Variants in WDFY4 observed in about 807,000 individuals in gnomAD.
WDFY4 encodes WDFY family member 4.
WDFY4 carries 169 observed loss-of-function variants against 351.9 expected under a neutral mutation model. The ratio of observed to expected loss-of-function variants is 0.48; its 90% CI spans 0.42 to 0.55. WDFY4 has a LOEUF of 0.55. Among genes scored for constraint, WDFY4 ranks in the 20% least tolerant of loss-of-function variants. The pLI is 0.00. For missense variants in WDFY4, 3,803 were observed against 3,935.6 expected, an observed-to-expected ratio of 0.97 and a Z score of 0.90; for synonymous variants, 1,622 against 1,574.6, an observed-to-expected ratio of 1.03 and a Z score of -0.71.
chr10:48,907,589 C>A (rs191794252), intron 47 of WDFY4, among the ~76,000 whole-genome samples: 1 of 152,092 alleles, frequency 6.6e-6, no homozygotes, highest in African/African-American at 2.4e-5. Context: ...ACCATAAGAA[C>A]CTATGCGATT....
At chr10:48,761,919 G>A (rs1195309287) in intron 13 of WDFY4, among the ~76,000 whole-genome samples, 2 of 152,238 alleles carry the variant, frequency 1.3e-5, no homozygotes, top group East Asian at 1.9e-4. Flanking sequence ...ATGGAGAAAT[G>A]TGAGTTCAGA....
chr10:48,872,901 G>A (rs1351905835), intron 40 of WDFY4, among the ~76,000 whole-genome samples: 1 of 152,182 alleles, frequency 6.6e-6, no homozygotes, highest in East Asian at 1.9e-4. Flanking sequence ...ATGACATTAG[G>A]ATTGAAAGGC....
At position 48,823,598 on chromosome 10, in the gene WDFY4, G is replaced by C; in HGVS notation, c.5982+1061G>C. Reference sequence around the variant, plus strand: ...GGCTTCTTCAGGAACAACTCCAAGAGAGGAGAAATAGCCCTTGTCAGCTCT... The same window carrying C: ...GGCTTCTTCAGGAACAACTCCAAGACAGGAGAAATAGCCCTTGTCAGCTCT... On this transcript the variant is annotated intron_variant, in intron 35 of 61. Transcript: ENST00000325239. The C allele has an allele frequency of 2.9e-6, 3 of 1,048,850 alleles. No homozygotes were observed. The East Asian group carries it at 2.2e-4, about 77-fold the overall frequency. The allele number at this position is 1,048,850 out of a possible 1,614,324, so 65.0% of individuals were successfully genotyped here. A position where few individuals can be genotyped will look rare whatever the true frequency, so the allele number is the denominator to read the frequency against.
intron 1 of WDFY4, among the ~76,000 whole-genome samples, chr10:48,697,037 G>T (rs1451460270): frequency 1.3e-5 from 2 of 152,200 alleles, no homozygotes; most frequent in Non-Finnish European, 2.9e-5. Context: ...GAGGGGTCAG[G>T]CTGGCCAGAG....
chr10:48,934,746 T>C (rs1589941834), intron 47 of WDFY4, among the ~76,000 whole-genome samples: 1 of 152,338 alleles, frequency 6.6e-6, no homozygotes, highest in African/African-American at 2.4e-5. Context: ...CAGTCACAGC[T>C]TAGTTTCCTT....
At position 48,921,396 on chromosome 10, in the gene WDFY4, G is replaced by T. The variant is rs372866085; in HGVS notation, c.7586+19533G>T. 4.6e-5 allele frequency among the ~76,000 whole-genome samples: 7 copies of T among 152,268 alleles called. No homozygotes were observed. In the East Asian group the frequency reaches 5.8e-4, roughly 13 times the overall value. On this transcript the variant is annotated intron_variant, in intron 47 of 61. Coordinates refer to ENST00000325239, the MANE Select transcript of WDFY4 (RefSeq NM_001394531.1). Reference sequence around the variant, plus strand: ...GAAAATGAACTCTTTAACAAACGATGTTGAAATTGGTTATTTATATGCAAA... The same window carrying T: ...GAAAATGAACTCTTTAACAAACGATTTTGAAATTGGTTATTTATATGCAAA...
Position 48,889,124 on chromosome 10 carries a change from G to A in WDFY4, c.7168-1455G>A, listed in dbSNP as rs73294648. 1.1e-3 allele frequency among the ~76,000 whole-genome samples: 173 copies of A among 152,310 alleles called. 1 individual carries two copies. Among genetic ancestry groups the A allele is most frequent in the African/African-American group, 3.5e-3 (144 of 41,564 alleles). ...GACTCTGGCCTGGAAGGTGGCTGGA[G>A]GGCCAGCTCCTCTGACAAGGTAGAT... On this transcript the variant is annotated intron_variant, in intron 43 of 61. Coordinates refer to ENST00000325239, the MANE Select transcript of WDFY4 (RefSeq NM_001394531.1).
intron 14 of WDFY4, among the ~76,000 whole-genome samples, chr10:48,775,495 A>G (rs2066001317): frequency 6.6e-6 from 1 of 152,204 alleles, no homozygotes; most frequent in Admixed American, 6.5e-5. Flanking sequence ...TTTTGTTATG[A>G]CATCCATCTT....
In WDFY4 at chr10:48,964,911, AAACT is replaced by A. The variant is rs1419701712; in HGVS notation, c.8436+861_8436+864del. 2.0e-5 allele frequency among the ~76,000 whole-genome samples: 3 copies of A among 152,306 alleles called. No individual in the cohort carries two copies. The South Asian group carries it at 6.2e-4, about 32-fold the overall frequency. On this transcript the variant is annotated intron_variant, in intron 54 of 61. Transcript: ENST00000325239. Reference sequence around the variant, plus strand: ...AGGGGCTCCTTCTGCAGTTAGTGCTAAACTAACATCTTTCTCTCTGGTCTCACAT... The same window carrying A: ...AGGGGCTCCTTCTGCAGTTAGTGCTAAACATCTTTCTCTCTGGTCTCACAT...
chr10:48,976,678 G>A (rs1323682348), intron 58 of WDFY4, 119 bp from the exon 59 acceptor site: 2 of 936,340 alleles, frequency 2.1e-6, no homozygotes, highest in Non-Finnish European at 2.8e-6. Flanking sequence ...GGGTACCTTG[G>A]GGGTCTTCAG....
chr10:48,905,818 T>C (rs1440911124), intron 47 of WDFY4, among the ~76,000 whole-genome samples: 1 of 152,238 alleles, frequency 6.6e-6, no homozygotes, highest in Non-Finnish European at 1.5e-5. Flanking sequence ...TCATAGTAGG[T>C]GCCCAGTAAA....
chr10:48,749,896 G>A (rs1237313684), intron 12 of WDFY4, among the ~76,000 whole-genome samples: 2 of 152,152 alleles, frequency 1.3e-5, no homozygotes, highest in Non-Finnish European at 2.9e-5. Context: ...GTGGGCTGAC[G>A]TTTATTCCTT....
intron 12 of WDFY4, among the ~76,000 whole-genome samples, chr10:48,750,179 A>C (rs2065137034): frequency 6.6e-6 from 1 of 152,216 alleles, no homozygotes; most frequent in Admixed American, 6.5e-5. Flanking sequence ...TGTTAGAGGT[A>C]ATTGTTGTGC....
At position 48,732,929 on chromosome 10, in the gene WDFY4, T is replaced by C. The variant is rs111584586; in HGVS notation, c.1583-1002T>C. ...GGATGAGCCCAAGGGATGGTTTTTG[T>C]GTCTGGGCCTCTGGGCCAAGCCCTG... On this transcript the variant is annotated intron_variant, in intron 9 of 61. Transcript: ENST00000325239. Among the ~76,000 whole-genome samples, 257 of 152,352 alleles carry C rather than the reference T, an allele frequency of 1.7e-3. 1 individual carries two copies. The highest frequency in any genetic ancestry group is 6.8e-3 in the Middle Eastern group (2 of 294).
intron 11 of WDFY4, among the ~76,000 whole-genome samples, chr10:48,741,417 C>T (rs979899386): frequency 9.7e-5 from 12 of 123,578 alleles, no homozygotes; most frequent in Admixed American, 5.2e-4. Context: ...CTCGCCACTA[C>T]ACTCCAGCCT....
chr10:48,708,985 G>GA (rs984540861), intron 1 of WDFY4, among the ~76,000 whole-genome samples: 62 of 144,090 alleles, frequency 4.3e-4, no homozygotes, highest in East Asian at 7.9e-4. Context: ...AGCAACAAGT[G>GA]AAAAAAAAAC....
In WDFY4 at chr10:48,923,506, A is replaced by ATATATATATATATATATG. The variant is rs143983467; in HGVS notation, c.7587-18293_7587-18292insATATATATATGTATATAT. Among the ~76,000 whole-genome samples the ATATATATATATATATATG allele has an allele frequency of 2.6e-4, 30 of 115,154 alleles. 2 individuals carry two copies. Among genetic ancestry groups the ATATATATATATATATATG allele is most frequent in the Admixed American group, 1.6e-3 (16 of 9,720 alleles). The allele number at this position is 115,154 out of a possible 152,430, so 75.5% of individuals were successfully genotyped here. The stretch of plus-strand genomic sequence containing the variant: ...AACAAATAGTTTTTAGTATATATAT[A>ATATATATATATATATATG]TATATATGTCCCAAATACCGCATAG... On this transcript the variant is annotated intron_variant, in intron 47 of 61. Coordinates refer to ENST00000325239, the MANE Select transcript of WDFY4 (RefSeq NM_001394531.1).
At chr10:48,763,393 A>G (rs2132537060) in intron 13 of WDFY4, among the ~76,000 whole-genome samples, 1 of 152,372 alleles carries the variant, frequency 6.6e-6, no homozygotes, top group African/African-American at 2.4e-5. Flanking sequence ...CTTTCCAGGT[A>G]CAACAGCCTT....
chr10:48,944,356 C>T (rs904774676), intron 49 of WDFY4, among the ~76,000 whole-genome samples: 9 of 152,210 alleles, frequency 5.9e-5, no homozygotes, highest in East Asian at 1.9e-4. Flanking sequence ...TGCACCCCTG[C>T]GCCCCAGCAG....
Sources: allele counts gnomAD v4.1 joint callset (sites outside exome capture counted in the v4.1 genomes callset), GRCh38; gene constraint gnomAD v4.1.1; transcripts MANE v1.5; gene names NCBI Gene and HGNC (gene_info 2026-07-23, HGNC 2026-07-21).